The following TBC1D1 variants were observed in gnomAD, a reference collection of about 807,000 sequenced individuals.
TBC1D1 encodes the protein TBC1 domain family member 1.
In TBC1D1, 89 loss-of-function variants were observed where a neutral mutation model predicts 125.6. The observed-to-expected ratio is 0.71, with a 90% CI of 0.60 to 0.85. The LOEUF (loss-of-function observed/expected upper bound fraction) is 0.85, where lower values mean the gene tolerates loss of function less well. TBC1D1 is among the 40% of genes least tolerant of loss of function. The pLI, the probability that TBC1D1 is intolerant of heterozygous loss-of-function variation, is 0.00. For synonymous variants in TBC1D1, 565 were observed against 564.1 expected (o/e 1.00, Z -0.02); for missense variants, 1,377 against 1,469.2 (o/e 0.94, Z 1.03).
Position 38,014,472 on chromosome 4 carries a change from T to G in TBC1D1, c.418-37T>G. On this transcript the variant is annotated intron_variant, in intron 2 of 19. Transcript: ENST00000261439. This position sits in a 1 kb window ranked among gnomAD's most constrained non-coding sequence, Gnocchi z 5.1. ...TTCATTCCGTGAGTGCCAGCCACAC[T>G]GCATGTTCCAAATAACACGCCTCTC... 4 of 1,590,248 alleles carry G rather than the reference T, an allele frequency of 2.5e-6. No individual in the cohort carries two copies. The highest frequency in any genetic ancestry group is 3.4e-6 in the Non-Finnish European group (4 of 1,161,514).
intron 8 of TBC1D1, among the ~76,000 whole-genome samples, chr4:38,043,141 G>T (rs754694779): frequency 2.6e-5 from 4 of 151,734 alleles, no homozygotes; most frequent in Non-Finnish European, 5.9e-5. Context: ...ACCTCAGGTG[G>T]TCCACCCACC....
In TBC1D1 at chr4:38,014,722, A is replaced by AGCCC; in HGVS notation, c.632_635dup (p.Arg213ProfsTer36). ...CGTCAGCGGCAGCCGGGGGTCCGAG[A>AGCCC]GCCCCCGCCCCAACCCGCCCCATGC... On this transcript the variant is annotated frameshift_variant, in exon 3 of 20. Transcript: ENST00000261439. LOFTEE classifies it high-confidence loss of function. The surrounding 1 kb of genome is among the most constrained non-coding windows in gnomAD (Gnocchi z 5.1). 1.2e-6 allele frequency: 2 copies of AGCCC among 1,610,154 alleles called. No homozygotes were observed. Among genetic ancestry groups the AGCCC allele is most frequent in the Non-Finnish European group, 8.5e-7 (1 of 1,178,176 alleles).
intron 2 of TBC1D1, among the ~76,000 whole-genome samples, chr4:37,936,043 T>A (rs1171465555): frequency 6.6e-6 from 1 of 152,142 alleles, no homozygotes; most frequent in Admixed American, 6.6e-5. Context: ...TCCTGTCACA[T>A]GCTCCCATGC....
intron 12 of TBC1D1, among the ~76,000 whole-genome samples, chr4:38,069,782 A>T (rs1007262665): frequency 6.6e-6 from 1 of 152,200 alleles, no homozygotes; most frequent in Non-Finnish European, 1.5e-5. Flanking sequence ...TGGGGGAAGT[A>T]TGGAGGCACC....
At chr4:38,030,595 G>A (rs1745943794) in intron 7 of TBC1D1, 1 of 152,176 alleles carries the variant, frequency 6.6e-6, no homozygotes. Flanking sequence ...CAAGTCATTG[G>A]TTTCATTTTA....
intron 1 of TBC1D1, among the ~76,000 whole-genome samples, chr4:37,898,662 A>AG (rs1393319419): frequency 3.3e-5 from 5 of 152,086 alleles, no homozygotes; most frequent in Non-Finnish European, 7.4e-5. Context: ...ACCAAGAGAA[A>AG]TGCTGACTGT....
intron 12 of TBC1D1, among the ~76,000 whole-genome samples, chr4:38,059,830 G>A (rs1217245029): frequency 1.3e-5 from 2 of 152,074 alleles, no homozygotes; most frequent in Non-Finnish European, 2.9e-5. Context: ...CATCACCTAG[G>A]TATTAAGTCC....
At position 38,018,398 on chromosome 4, in the gene TBC1D1, A is replaced by C; in HGVS notation, c.927A>C (p.Lys309Asn). The stretch of plus-strand genomic sequence containing the variant: ...ACCTCATCAGTCCTGACACCAAAAA[A>C]ATAGCATTGGAGAAAAATTTTAAGG... The change falls in exon 4 of 20, where the codon AAA becomes AAC. Residue 309 changes from lysine (K) to asparagine (N), a missense_variant. Around this residue, in one of 3 missense-constraint regions of TBC1D1, gnomAD observed 822 missense variants for 824.6 expected, o/e 1.00. Transcript: ENST00000261439. The C allele has an allele frequency of 6.2e-7, 1 of 1,612,618 alleles. No individual in the cohort carries two copies. Among genetic ancestry groups the C allele is most frequent in the East Asian group, 2.2e-5 (1 of 44,780 alleles).
At chr4:38,128,902 T>C (rs1765106021) in intron 18 of TBC1D1, among the ~76,000 whole-genome samples, 1 of 152,182 alleles carries the variant, frequency 6.6e-6, no homozygotes, top group South Asian at 2.1e-4. Context: ...CAGTGGGTGC[T>C]CTGTGGCTGT....
chr4:37,990,415 G>C (rs1736311762), intron 2 of TBC1D1, among the ~76,000 whole-genome samples: 1 of 152,098 alleles, frequency 6.6e-6, no homozygotes. Context: ...GAAGCCAAAA[G>C]ATTGGATACC....
chr4:37,971,593 G>A (rs140466289), intron 2 of TBC1D1, among the ~76,000 whole-genome samples: 318 of 152,162 alleles, frequency 2.1e-3, no homozygotes, highest in African/African-American at 7.4e-3. Context: ...ATTTGGGTGG[G>A]GACACAGCCA....
rs745838698 is a variant in TBC1D1 at position 38,014,903 on chromosome 4, AC to A, written c.814del (p.His272ThrfsTer39). ...TCCTTCGAGGAGAGCGACATTGAGA[AC>A]CACCTCATTAGCGGACACAATATTG... On this transcript the variant is annotated frameshift_variant, in exon 3 of 20. Coordinates refer to ENST00000261439, the MANE Select transcript of TBC1D1 (RefSeq NM_015173.4). LOFTEE classifies it high-confidence loss of function. The surrounding 1 kb of genome is among the most constrained non-coding windows in gnomAD (Gnocchi z 5.1). 1.2e-6 allele frequency: 2 copies of A among 1,600,748 alleles called. No individual in the cohort carries two copies. Among genetic ancestry groups the A allele is most frequent in the Non-Finnish European group, 1.7e-6 (2 of 1,170,488 alleles).
chr4:38,118,295 T>G, intron 17 of TBC1D1, 103 bp downstream of exon 19: 53 of 1,361,808 alleles, frequency 3.9e-5, no homozygotes, highest in Non-Finnish European at 4.9e-5. Flanking sequence ...CCTGTAGCTC[T>G]TACCAGAACA....
intron 12 of TBC1D1, chr4:38,054,995 G>A (rs1053645380): frequency 1.6e-4 from 24 of 152,196 alleles, no homozygotes; most frequent in African/African-American, 5.6e-4. Context: ...CATTCCTAGA[G>A]GAACGTCATG....
intron 2 of TBC1D1, among the ~76,000 whole-genome samples, chr4:37,988,051 A>G (rs1373843410): frequency 6.6e-6 from 1 of 152,198 alleles, no homozygotes; most frequent in Non-Finnish European, 1.5e-5. Context: ...ACAGTGGGAA[A>G]GATGATCAAT....
At chr4:37,895,161 T>C (rs1328862158) in intron 1 of TBC1D1, among the ~76,000 whole-genome samples, 1 of 152,238 alleles carries the variant, frequency 6.6e-6, no homozygotes, top group Non-Finnish European at 1.5e-5. Flanking sequence ...CTCACTTTTC[T>C]GTGCCACTAT....
At chr4:38,102,901 A>C in intron 14 of TBC1D1, 98 bp from the exon 17 acceptor site, 2 of 1,400,516 alleles carry the variant, frequency 1.4e-6, no homozygotes, top group South Asian at 2.9e-5. Flanking sequence ...AAAAAGGAAC[A>C]AGAATTTGGA....
intron 14 of TBC1D1, among the ~76,000 whole-genome samples, chr4:38,101,797 A>G (rs1760383955): frequency 6.6e-6 from 1 of 152,080 alleles, no homozygotes; most frequent in Admixed American, 6.5e-5. Flanking sequence ...TTTGCCTCTC[A>G]CAATAACCCT....
At chr4:38,016,086 A>G (rs1742659550) in intron 3 of TBC1D1, among the ~76,000 whole-genome samples, 1 of 152,216 alleles carries the variant, frequency 6.6e-6, no homozygotes, top group Admixed American at 6.5e-5. Flanking sequence ...AGCCGTGAAC[A>G]AGACAAGTAT....
Sources: allele counts gnomAD v4.1 joint callset (sites outside exome capture counted in the v4.1 genomes callset), GRCh38; gene constraint gnomAD v4.1.1; regional missense constraint gnomAD v4.1.1; non-coding constraint Gnocchi (gnomAD v3.1); transcripts MANE v1.5; gene names NCBI Gene and HGNC (gene_info 2026-07-23, HGNC 2026-07-21).